The following HAPLN1 variants were observed in gnomAD, a reference collection of about 807,000 sequenced individuals.
The protein encoded by HAPLN1 is Cartilage link protein.
HAPLN1 carries 13 observed loss-of-function variants against 36.5 expected under a neutral mutation model. That is an observed-to-expected ratio of 0.36 (90% CI 0.23 to 0.57). The LOEUF (loss-of-function observed/expected upper bound fraction) is 0.57. Among genes scored for constraint, HAPLN1 ranks in the 20% least tolerant of loss-of-function variants. HAPLN1 has a pLI of 0.83. For synonymous variants in HAPLN1, 202 were observed against 169.8 expected (o/e 1.19, Z -1.48); for missense variants, 407 against 439.7 (o/e 0.93, Z 0.66).
intron 2 of HAPLN1, among the ~76,000 whole-genome samples, chr5:83,660,160 T>G (rs1405004089): frequency 1.3e-5 from 2 of 152,182 alleles, no homozygotes; most frequent in Non-Finnish European, 2.9e-5. Flanking sequence ...GCCAGGAAGC[T>G]ATGATTTGGT....
chr5:83,658,746 A>C (rs1264771904), intron 2 of HAPLN1, among the ~76,000 whole-genome samples: 1 of 152,160 alleles, frequency 6.6e-6, no homozygotes, highest in South Asian at 2.1e-4. Flanking sequence ...ATCAGATCGC[A>C]TCAGAAACCT....
chr5:83,644,123 T>C (rs1005096769), intron 4 of HAPLN1, among the ~76,000 whole-genome samples: 81 of 152,208 alleles, frequency 5.3e-4, no homozygotes, highest in African/African-American at 1.9e-3. Flanking sequence ...AATTATTTCA[T>C]ATAAAAATGG....
intron 2 of HAPLN1, among the ~76,000 whole-genome samples, chr5:83,667,886 G>T (rs1193537070): frequency 6.6e-6 from 1 of 152,166 alleles, no homozygotes; most frequent in Non-Finnish European, 1.5e-5. Context: ...TGTCTTTGGC[G>T]GACTCTCATG....
At chr5:83,707,359 C>T (rs925427835) in intron 1 of HAPLN1, among the ~76,000 whole-genome samples, 2 of 152,150 alleles carry the variant, frequency 1.3e-5, no homozygotes, top group Non-Finnish European at 2.9e-5. Context: ...GTAACCAAAA[C>T]AGCATAGTAT....
Position 83,652,826 on chromosome 5 carries a change from T to A in HAPLN1, c.101-2A>T. ...CAAGTAGATGGGGGCCATTTTCTGC[T>A]ATAATTAAAAAGGAAAAAAAAAAGA... On this transcript the variant is annotated splice_acceptor_variant, in intron 2 of 4. Transcript: ENST00000274341. LOFTEE classifies it high-confidence loss of function. 1 of 1,559,396 alleles carries A rather than the reference T, an allele frequency of 6.4e-7. No homozygotes were observed. Among genetic ancestry groups the A allele is most frequent in the Non-Finnish European group, 8.7e-7 (1 of 1,155,614 alleles).
intron 1 of HAPLN1, among the ~76,000 whole-genome samples, chr5:83,689,750 A>G (rs1472069998): frequency 3.9e-5 from 6 of 152,160 alleles, no homozygotes; most frequent in African/African-American, 1.4e-4. Flanking sequence ...TGATTTTACT[A>G]TAGAAGTTTG....
intron 4 of HAPLN1, among the ~76,000 whole-genome samples, chr5:83,643,926 C>A (rs1186885114): frequency 1.3e-5 from 2 of 152,228 alleles, no homozygotes; most frequent in Non-Finnish European, 2.9e-5. Context: ...TTACTCCCCA[C>A]TTTGTCCTGA....
chr5:83,709,385 T>C (rs557541602), intron 1 of HAPLN1, among the ~76,000 whole-genome samples: 7 of 152,348 alleles, frequency 4.6e-5, no homozygotes, highest in Admixed American at 1.3e-4. Flanking sequence ...AATATTTACA[T>C]CTCCTATTGG....
rs913611459 is a variant in HAPLN1, at chr5:83,639,101, C to G, written c.*2395G>C. 2.0e-5 allele frequency: 3 copies of G among 151,908 alleles called. No homozygotes were observed. The highest frequency in any genetic ancestry group is 4.4e-5 in the Non-Finnish European group (3 of 67,890). The allele number at this position is 151,908 out of a possible 1,614,324, so 9.4% of individuals were successfully genotyped here. The stretch of plus-strand genomic sequence containing the variant: ...GAATAACCTTTCTTTTTCAGACCTG[C>G]TCAGTGAGACATCTTGGGGAATGAA... On this transcript the variant is annotated 3_prime_UTR_variant, in exon 5 of 5. Coordinates refer to ENST00000274341, the MANE Select transcript of HAPLN1 (RefSeq NM_001884.4).
At chr5:83,692,488 G>A (rs1258052348) in intron 1 of HAPLN1, among the ~76,000 whole-genome samples, 4 of 151,854 alleles carry the variant, frequency 2.6e-5, no homozygotes, top group African/African-American at 4.8e-5. Flanking sequence ...GATCTTTAAA[G>A]TACTGAAAGA....
chr5:83,706,237 A>T (rs1751647373), intron 1 of HAPLN1, among the ~76,000 whole-genome samples: 1 of 152,184 alleles, frequency 6.6e-6, no homozygotes, highest in South Asian at 2.1e-4. Flanking sequence ...CTATGAGGCC[A>T]GCATCATCCT....
intron 2 of HAPLN1, among the ~76,000 whole-genome samples, chr5:83,670,069 G>T (rs556689267): frequency 6.6e-6 from 1 of 152,226 alleles, no homozygotes; most frequent in African/African-American, 2.4e-5. Context: ...TAGGCAAATG[G>T]TCATAAAATT....
rs77421656 is a variant in HAPLN1, at chr5:83,654,545, T to C, written c.101-1721A>G. On this transcript the variant is annotated intron_variant, in intron 2 of 4. Transcript: ENST00000274341. ...AGGAAAAAGTGCTGTTGACTAAGAT[T>C]TCTCAGTAATGCCTGAGGGTCATAG... 1.5e-3 allele frequency among the ~76,000 whole-genome samples: 225 copies of C among 152,322 alleles called. 4 individuals are homozygous for C. The East Asian group carries it at 0.039, about 27-fold the overall frequency.
chr5:83,678,217 TTGGGTGTGTGTG>T (rs1374660764), intron 1 of HAPLN1, among the ~76,000 whole-genome samples: 1 of 30,962 alleles, frequency 3.2e-5, no homozygotes, highest in Non-Finnish European at 8.8e-5. Context: ...TATCTATAGT[TTGGGTGTGTGTG>T]TGTGTGTGTG....
chr5:83,700,732 A>G (rs1043768517), intron 1 of HAPLN1, among the ~76,000 whole-genome samples: 9 of 149,956 alleles, frequency 6.0e-5, no homozygotes, highest in Admixed American at 2.0e-4. Flanking sequence ...AATTTTTGCT[A>G]TGATCTATCA....
intron 1 of HAPLN1, among the ~76,000 whole-genome samples, chr5:83,694,140 GAT>G (rs1358318214): frequency 2.0e-5 from 3 of 151,756 alleles, no homozygotes; most frequent in Non-Finnish European, 1.5e-5. Flanking sequence ...AAAACAAAAA[GAT>G]ATGTGGAATA....
chr5:83,662,109 G>A (rs1446508952), intron 2 of HAPLN1, among the ~76,000 whole-genome samples: 7 of 151,786 alleles, frequency 4.6e-5, no homozygotes, highest in African/African-American at 1.5e-4. Flanking sequence ...TGCCATGTTG[G>A]CCAGGCTGGT....
At chr5:83,652,268 T>C in intron 3 of HAPLN1, 185 bp downstream of exon 3, 1 of 561,940 alleles carries the variant, frequency 1.8e-6, no homozygotes, top group South Asian at 3.3e-5. Flanking sequence ...AAGCATTGTG[T>C]ATGCATTTCA....
intron 1 of HAPLN1, among the ~76,000 whole-genome samples, chr5:83,703,258 T>G (rs1328517159): frequency 6.6e-6 from 1 of 152,208 alleles, no homozygotes. Flanking sequence ...AATTTTAGCC[T>G]GGTTACTTTT....
Sources: gnomAD v4.1 joint callset for allele counts (sites outside exome capture counted in the v4.1 genomes callset) on GRCh38, gnomAD v4.1.1 for gene constraint, MANE v1.5 for transcripts, NCBI Gene and HGNC (gene_info 2026-07-23, HGNC 2026-07-21) for gene names.